Variants in SELENOI observed in about 807,000 individuals in gnomAD.
SELENOI encodes the protein ethanolaminephosphotransferase 1.
SELENOI carries 24 observed loss-of-function variants against 50.7 expected under a neutral mutation model. The ratio of observed to expected loss-of-function variants is 0.47; its 90% CI spans 0.34 to 0.67. The LOEUF is 0.67. Ranked by LOEUF, SELENOI falls within the 30% of genes least tolerant of loss-of-function variation. The pLI is 0.01. For missense variants in SELENOI, 352 were observed against 461.4 expected (o/e 0.76, Z 2.17); for synonymous variants, 155 against 170.2 (o/e 0.91, Z 0.70).
intron 6 of SELENOI, among the ~76,000 whole-genome samples, chr2:26,375,822 A>G (rs60446567): frequency 1.4e-3 from 215 of 152,326 alleles, no homozygotes; most frequent in African/African-American, 4.9e-3. Context: ...TATCTAAAAA[A>G]TAGGCCACAC....
intron 6 of SELENOI, 67 bp downstream of exon 6, chr2:26,375,215 T>A (rs1677541938): frequency 5.9e-6 from 6 of 1,022,120 alleles, no homozygotes; most frequent in Non-Finnish European, 7.4e-6. Flanking sequence ...GGTATTTGAC[T>A]ATAACAAGCA....
intron 9 of SELENOI, 58 bp downstream of exon 9, chr2:26,386,594 T>C: frequency 7.2e-7 from 1 of 1,398,196 alleles, no homozygotes; most frequent in Non-Finnish European, 9.5e-7. Context: ...CACCAATAAA[T>C]GCCTCCGAGT....
At chr2:26,352,552 G>A (rs558523962) in intron 1 of SELENOI, among the ~76,000 whole-genome samples, 26 of 152,276 alleles carry the variant, frequency 1.7e-4, no homozygotes, top group African/African-American at 6.0e-4. Context: ...TTGGGAGGCC[G>A]AGGCAGGTGG....
chr2:26,373,764 A>G lies in SELENOI; in HGVS notation c.573+135A>G, dbSNP rs1677507210. On this transcript the variant is annotated intron_variant, in intron 5 of 9. Coordinates refer to ENST00000260585, the MANE Select transcript of SELENOI (RefSeq NM_033505.4). ...ACTTAAAAATTTTTTATTTTTATTT[A>G]TGGAAAATTTCAAAAATAGAATAGT... 7 of 907,406 alleles carry G rather than the reference A, an allele frequency of 7.7e-6. No homozygotes were observed. In the South Asian group the frequency reaches 7.9e-5, roughly 10 times the overall value. The allele number at this position is 907,406 out of a possible 1,614,324, so 56.2% of individuals were successfully genotyped here. A position where few individuals can be genotyped will look rare whatever the true frequency, so the allele number is the denominator to read the frequency against.
chr2:26,357,868 T>C (rs1025191980), intron 1 of SELENOI, among the ~76,000 whole-genome samples: 1 of 124,962 alleles, frequency 8.0e-6, no homozygotes, highest in Non-Finnish European at 2.0e-5. Context: ...TTCCCACGAA[T>C]TGTGGGAGGG....
intron 1 of SELENOI, among the ~76,000 whole-genome samples, chr2:26,361,019 C>T (rs747257685): frequency 3.8e-4 from 58 of 152,182 alleles, no homozygotes; most frequent in Non-Finnish European, 6.0e-4. Context: ...TCGAGACCAT[C>T]CTGGCTAACA....
At chr2:26,363,008 G>A (rs1677214386) in intron 1 of SELENOI, among the ~76,000 whole-genome samples, 1 of 152,096 alleles carries the variant, frequency 6.6e-6, no homozygotes, top group Admixed American at 6.6e-5. Context: ...ACATGTTTAT[G>A]TATGTCTTTT....
rs1161909452 is a variant in SELENOI, at chr2:26,354,302, A to G, written c.57+8013A>G. ...AACTCAGGCAATCAGTCTGGAGTCC[A>G]TGTTCTTCCTGCTATTCTGCCTCTC... On this transcript the variant is annotated intron_variant, in intron 1 of 9. Transcript: ENST00000260585. Among the ~76,000 whole-genome samples the G allele has an allele frequency of 3.9e-5, 6 of 152,118 alleles. No individual in the cohort carries two copies. In the South Asian group the frequency reaches 1.2e-3, roughly 31 times the overall value.
chr2:26,355,447 A>T (rs375516492), intron 1 of SELENOI, among the ~76,000 whole-genome samples: 11 of 152,348 alleles, frequency 7.2e-5, no homozygotes, highest in Admixed American at 5.9e-4. Flanking sequence ...AGTGGCTTCC[A>T]TGTGTTTGAT....
intron 2 of SELENOI, 110 bp from the exon 3 acceptor site, chr2:26,364,722 T>C: frequency 1.4e-6 from 1 of 722,346 alleles, no homozygotes; most frequent in Non-Finnish European, 2.2e-6. Flanking sequence ...CTTCTCCATA[T>C]GATCTTTCAA....
intron 4 of SELENOI, 120 bp downstream of exon 4, chr2:26,367,340 C>G (rs1023121153): frequency 4.3e-6 from 3 of 696,348 alleles, no homozygotes; most frequent in Non-Finnish European, 6.5e-6. Flanking sequence ...TATTAGTATC[C>G]TGTTCAAATT....
chr2:26,353,657 A>C, intron 1 of SELENOI, among the ~76,000 whole-genome samples: 1 of 152,238 alleles, frequency 6.6e-6, no homozygotes, highest in Non-Finnish European at 1.5e-5. Flanking sequence ...TATGTCTGGC[A>C]GAAAGAATTA....
At chr2:26,381,957 G>A (rs1389113897) in intron 6 of SELENOI, among the ~76,000 whole-genome samples, 1 of 152,218 alleles carries the variant, frequency 6.6e-6, no homozygotes, top group East Asian at 1.9e-4. Flanking sequence ...GGGCTAATAT[G>A]TTGCATGACA....
chr2:26,376,147 C>G (rs1174985100), intron 6 of SELENOI, among the ~76,000 whole-genome samples: 1 of 151,194 alleles, frequency 6.6e-6, no homozygotes, highest in Non-Finnish European at 1.5e-5. Context: ...TTTGGTGAAC[C>G]TTGGTAATGG....
At chr2:26,376,091 CAA>C (rs57146815) in intron 6 of SELENOI, among the ~76,000 whole-genome samples, 34 of 81,160 alleles carry the variant, frequency 4.2e-4, no homozygotes, top group Middle Eastern at 0.01. Flanking sequence ...GACCCTGTCT[CAA>C]AAAAAAAAAA....
At chr2:26,383,219 A>T (rs937439048) in intron 6 of SELENOI, 80 bp from the exon 7 acceptor site, 2 of 1,045,852 alleles carry the variant, frequency 1.9e-6, no homozygotes, top group Non-Finnish European at 2.6e-6. Context: ...GGGTCTAAAA[A>T]AATTTGTTTT....
intron 1 of SELENOI, among the ~76,000 whole-genome samples, chr2:26,358,523 TC>T (rs1677111114): frequency 6.6e-6 from 1 of 152,186 alleles, no homozygotes; most frequent in African/African-American, 2.4e-5. Context: ...CAATGCCCGG[TC>T]CATAATAGCA....
rs1677994042 is a variant in SELENOI at position 26,392,596 on chromosome 2, T to G, written c.*3493T>G. ...CTTGTTGCCCCTAGATGTTGCCACA[T>G]TCACATCTCCTTGATGGCCTTAGAT... On this transcript the variant is annotated 3_prime_UTR_variant, in exon 10 of 10. Transcript: ENST00000260585. The G allele has an allele frequency of 6.6e-6, 1 of 152,238 alleles. No individual in the cohort carries two copies. Among genetic ancestry groups the G allele is most frequent in the South Asian group, 2.1e-4 (1 of 4,830 alleles). The allele number at this position is 152,238 out of a possible 1,614,324, so 9.4% of individuals were successfully genotyped here.
intron 4 of SELENOI, among the ~76,000 whole-genome samples, chr2:26,372,568 TG>T (rs370461026): frequency 8.5e-4 from 130 of 152,374 alleles, no homozygotes; most frequent in African/African-American, 3.0e-3. Context: ...TTTAAAATTA[TG>T]GAGGCAGTAG....
Sources: allele counts gnomAD v4.1 joint callset (sites outside exome capture counted in the v4.1 genomes callset), GRCh38; gene constraint gnomAD v4.1.1; transcripts MANE v1.5; gene names NCBI Gene and HGNC (gene_info 2026-07-23, HGNC 2026-07-21).